The following SV2C variants were observed in gnomAD, a reference collection of about 807,000 sequenced individuals.
The protein encoded by SV2C is solute carrier family 22 member B3.
A neutral mutation model predicts 79.7 loss-of-function variants in SV2C; 49 were observed. The ratio of observed to expected loss-of-function variants is 0.61; its 90% confidence interval spans 0.49 to 0.78. The LOEUF (loss-of-function observed/expected upper bound fraction) is 0.78, where lower values mean the gene tolerates loss of function less well. SV2C is among the 30% of genes least tolerant of loss of function. The pLI is 0.00. For missense variants in SV2C, 833 were observed against 912.9 expected, an observed-to-expected ratio of 0.91 and a Z score of 1.13; for synonymous variants, 334 against 333.2, an observed-to-expected ratio of 1.00 and a Z score of -0.03.
intron 1 of SV2C, among the ~76,000 whole-genome samples, chr5:76,127,496 T>C (rs893177203): frequency 2.0e-5 from 3 of 152,234 alleles, no homozygotes; most frequent in Non-Finnish European, 4.4e-5. Context: ...CTTCTATAAA[T>C]GCAGTTTCAA....
the SV2C span, among the ~76,000 whole-genome samples, chr5:75,900,856 C>G: frequency 6.6e-6 from 1 of 152,184 alleles, no homozygotes; most frequent in African/African-American, 2.4e-5. Flanking sequence ...CACTGATACC[C>G]TTTCTTCCAG....
chr5:75,955,665 C>T, the SV2C span, among the ~76,000 whole-genome samples: 4 of 148,398 alleles, frequency 2.7e-5, no homozygotes, highest in African/African-American at 1.0e-4. Flanking sequence ...GGGCTAATAT[C>T]CAGAATCTAC....
At chr5:76,097,508 G>A (rs1411642095) in intron 1 of SV2C, among the ~76,000 whole-genome samples, 2 of 152,110 alleles carry the variant, frequency 1.3e-5, no homozygotes, top group African/African-American at 2.4e-5. Context: ...AGCATCCAAT[G>A]TCTTCATTTT....
chr5:76,067,552 A>G, the SV2C span, among the ~76,000 whole-genome samples: 5 of 152,110 alleles, frequency 3.3e-5, no homozygotes, highest in Non-Finnish European at 7.4e-5. Flanking sequence ...ATAATTTTAT[A>G]ATAACTCTTT....
chr5:76,345,068 T>G (rs897370649), intron 12 of SV2C, among the ~76,000 whole-genome samples: 6 of 152,256 alleles, frequency 3.9e-5, no homozygotes, highest in Non-Finnish European at 8.8e-5. Flanking sequence ...CGATATTCTC[T>G]CTTTTGCCTT....
the SV2C span, among the ~76,000 whole-genome samples, chr5:75,959,261 A>G: frequency 6.6e-6 from 1 of 151,962 alleles, no homozygotes; most frequent in Admixed American, 6.6e-5. Context: ...AGACTGTCCT[A>G]GGAGAAGATC....
intron 4 of SV2C, among the ~76,000 whole-genome samples, chr5:76,217,473 C>T (rs1201502869): frequency 6.6e-6 from 1 of 152,162 alleles, no homozygotes; most frequent in Admixed American, 6.5e-5. Context: ...TTTTGAGTCT[C>T]AGACCTGCTA....
At chr5:76,312,252 C>CTT (rs1554047212) in intron 12 of SV2C, among the ~76,000 whole-genome samples, 1 of 139,290 alleles carries the variant, frequency 7.2e-6, no homozygotes, top group Non-Finnish European at 1.6e-5. Context: ...TCAGGGGCCA[C>CTT]TTTTTTTTTT....
the SV2C span, among the ~76,000 whole-genome samples, chr5:75,952,247 TTTCC>T: frequency 0.029 from 4,183 of 144,298 alleles, 108 homozygotes; most frequent in African/African-American, 0.057. Flanking sequence ...TCTCCTGCAT[TTTCC>T]TTCCTTCCTT....
At position 76,285,206 on chromosome 5, in the gene SV2C, CGT is replaced by C; in HGVS notation, c.963_964del (p.Phe322CysfsTer20). ...MGSAYQFHSWRVFVIVCALPC... is the reference protein window; with the variant it reads ...MGSAYQFHSWXVFVIVCALPC... ...ATCGGCCTACCAGTTTCACAGTTGG[CGT>C]GTGTTTGTCATCGTCTGTGCACTCC... On this transcript the variant is annotated frameshift_variant, in exon 5 of 13. Transcript: ENST00000502798. LOFTEE classifies it high-confidence loss of function. 3 of 1,614,160 alleles carry C rather than the reference CGT, an allele frequency of 1.9e-6. No individual in the cohort carries two copies. Among genetic ancestry groups the C allele is most frequent in the Non-Finnish European group, 2.5e-6 (3 of 1,180,018 alleles).
At chr5:76,222,507 G>A (rs980385282) in intron 4 of SV2C, among the ~76,000 whole-genome samples, 38 of 152,122 alleles carry the variant, frequency 2.5e-4, no homozygotes, top group Non-Finnish European at 3.8e-4. Context: ...AGAACTTTGC[G>A]TTGACGTCAT....
At chr5:76,323,465 G>A (rs1317559166) in intron 12 of SV2C, among the ~76,000 whole-genome samples, 1 of 152,224 alleles carries the variant, frequency 6.6e-6, no homozygotes, top group Non-Finnish European at 1.5e-5. Flanking sequence ...AACCACTGTG[G>A]AAGACAGTAC....
At chr5:76,192,937 C>T (rs904707126) in intron 2 of SV2C, among the ~76,000 whole-genome samples, 1 of 152,166 alleles carries the variant, frequency 6.6e-6, no homozygotes, top group African/African-American at 2.4e-5. Context: ...TCTTATCCTT[C>T]GGATTCCCCT....
chr5:76,217,575 G>C (rs1042838494), intron 4 of SV2C, among the ~76,000 whole-genome samples: 2 of 152,166 alleles, frequency 1.3e-5, no homozygotes, highest in African/African-American at 4.8e-5. Context: ...AATCTCGTTA[G>C]AATACCCAGT....
Position 76,332,937 on chromosome 5 carries a change from C to T in SV2C, c.*7390C>T, listed in dbSNP as rs1174272352. On this transcript the variant is annotated 3_prime_UTR_variant, in exon 13 of 13. Transcript: ENST00000502798. ...AGCAAGCTCAACCTCATGTGATTCA[C>T]AAAGGGTTTCTTTCTGCATTTGTAT... 6.6e-6 allele frequency: 1 copy of T among 152,210 alleles called. No homozygotes were observed. The highest frequency in any genetic ancestry group is 2.4e-5 in the African/African-American group (1 of 41,446). 9.4% of individuals were successfully genotyped at this position (152,210 alleles called of 1,614,324 possible).
chr5:76,039,183 C>T, the SV2C span, among the ~76,000 whole-genome samples: 1 of 152,202 alleles, frequency 6.6e-6, no homozygotes, highest in African/African-American at 2.4e-5. Context: ...CTGCTCTGTC[C>T]TTTATTTCCT....
the SV2C span, among the ~76,000 whole-genome samples, chr5:75,849,850 A>G: frequency 6.6e-6 from 1 of 152,200 alleles, no homozygotes; most frequent in South Asian, 2.1e-4. Context: ...GCAAACTCTC[A>G]AACGATATTG....
At chr5:76,198,549 A>C (rs757047803) in intron 3 of SV2C, among the ~76,000 whole-genome samples, 64 of 152,298 alleles carry the variant, frequency 4.2e-4, no homozygotes, top group South Asian at 6.2e-4. Flanking sequence ...GCCCCACCTC[A>C]GGTATTCCTT....
At chr5:75,892,650 G>T in the SV2C span, among the ~76,000 whole-genome samples, 2 of 152,008 alleles carry the variant, frequency 1.3e-5, no homozygotes, top group Admixed American at 6.6e-5. Flanking sequence ...TGTACCCATT[G>T]TTTAGCTCCC....
Sources: gnomAD v4.1 joint callset for allele counts (sites outside exome capture counted in the v4.1 genomes callset) on GRCh38, gnomAD v4.1.1 for gene constraint, MANE v1.5 for transcripts, NCBI Gene and HGNC (gene_info 2026-07-23, HGNC 2026-07-21) for gene names.